Variants in MAPK4 observed in about 807,000 individuals in gnomAD.
The protein encoded by MAPK4 is Erk3-related.
MAPK4 carries 22 observed loss-of-function variants against 47.7 expected under a neutral mutation model. That is an observed-to-expected ratio of 0.46 (90% CI 0.33 to 0.66). The LOEUF (loss-of-function observed/expected upper bound fraction) is 0.66. Among genes scored for constraint, MAPK4 ranks in the 30% least tolerant of loss-of-function variants. The probability of loss-of-function intolerance (pLI) is 0.02; values close to 1 mark genes in which losing one functional copy is unlikely to be tolerated. For missense variants in MAPK4, 736 were observed against 831.7 expected (o/e 0.88, Z 1.42); for synonymous variants, 390 against 365.7 (o/e 1.07, Z -0.76).
At chr18:50,645,355 A>G (rs1237464638) in intron 1 of MAPK4, among the ~76,000 whole-genome samples, 3 of 152,222 alleles carry the variant, frequency 2.0e-5, no homozygotes, top group Non-Finnish European at 2.9e-5. Context: ...GTGAACGCCA[A>G]CGTGCTGTCC....
chr18:50,714,263 A>C (rs1050297649), intron 2 of MAPK4, among the ~76,000 whole-genome samples: 1 of 152,194 alleles, frequency 6.6e-6, no homozygotes, highest in African/African-American at 2.4e-5. Flanking sequence ...CATTTCCCAG[A>C]TGTCACTCTT....
chr18:50,703,062 C>T (rs1184066258), intron 2 of MAPK4, among the ~76,000 whole-genome samples: 1 of 152,174 alleles, frequency 6.6e-6, no homozygotes, highest in East Asian at 1.9e-4. Context: ...AAGACCTTTC[C>T]CAAAGTCAGG....
At chr18:50,710,897 G>A (rs1598941490) in intron 2 of MAPK4, among the ~76,000 whole-genome samples, 1 of 152,328 alleles carries the variant, frequency 6.6e-6, no homozygotes. Flanking sequence ...TTATTGGATT[G>A]AGCCTTCTCC....
intron 2 of MAPK4, chr18:50,705,950 T>A (rs1214791298): frequency 1.3e-5 from 2 of 152,206 alleles, no homozygotes; most frequent in African/African-American, 4.8e-5. Flanking sequence ...GGGACTTTGT[T>A]TTGCTCACTG....
chr18:50,630,345 C>A (rs973891372), intron 1 of MAPK4, among the ~76,000 whole-genome samples: 1 of 152,186 alleles, frequency 6.6e-6, no homozygotes. Context: ...TGCACCACCA[C>A]GCCCAGCAAA....
chr18:50,606,659 G>T (rs2042585790), intron 1 of MAPK4, among the ~76,000 whole-genome samples: 1 of 152,116 alleles, frequency 6.6e-6, no homozygotes. Flanking sequence ...TTTCTTAAAG[G>T]ACTAGGTAGA....
At chr18:50,567,917 C>T (rs1170151300) in intron 1 of MAPK4, among the ~76,000 whole-genome samples, 1 of 152,004 alleles carries the variant, frequency 6.6e-6, no homozygotes. Context: ...AGAATTCCGG[C>T]TGGGCGCAGT....
intron 1 of MAPK4, among the ~76,000 whole-genome samples, chr18:50,578,003 ACT>A (rs1472106440): frequency 6.6e-6 from 1 of 152,104 alleles, no homozygotes; most frequent in East Asian, 1.9e-4. Context: ...CCTTAGGTGA[ACT>A]CTGTGTAGTT....
chr18:50,579,421 CA>C (rs1281361443), intron 1 of MAPK4, among the ~76,000 whole-genome samples: 1 of 152,142 alleles, frequency 6.6e-6, no homozygotes, highest in African/African-American at 2.4e-5. Flanking sequence ...AAATGAATGT[CA>C]AGGGCAACTT....
intron 1 of MAPK4, among the ~76,000 whole-genome samples, chr18:50,639,103 G>T (rs2042915691): frequency 6.6e-6 from 1 of 152,176 alleles, no homozygotes; most frequent in Admixed American, 6.5e-5. Flanking sequence ...GGTACCCCAG[G>T]CTCAAAATGG....
At chr18:50,656,242 T>A (rs565622668) in intron 1 of MAPK4, among the ~76,000 whole-genome samples, 1 of 152,170 alleles carries the variant, frequency 6.6e-6, no homozygotes, top group East Asian at 1.9e-4. Context: ...CTCCTGAGAG[T>A]CAAGAATCTG....
intron 1 of MAPK4, among the ~76,000 whole-genome samples, chr18:50,620,256 C>T (rs762977551): frequency 5.3e-5 from 8 of 152,266 alleles, no homozygotes; most frequent in South Asian, 4.2e-4. Context: ...CAAAATGGGA[C>T]GCAAGAGGAC....
Position 50,724,223 on chromosome 18 carries a change from G to A in MAPK4, c.854-1739G>A, listed in dbSNP as rs73431463. ...GAGACAACCCACTACTGGCCCACCTGGCCAACTACTACTCGTCTTGCTAGA... is the reference window on the plus strand; with the variant it reads ...GAGACAACCCACTACTGGCCCACCTAGCCAACTACTACTCGTCTTGCTAGA... On this transcript the variant is annotated intron_variant, in intron 4 of 5. Transcript: ENST00000400384. 3.2e-3 allele frequency among the ~76,000 whole-genome samples: 480 copies of A among 152,096 alleles called. 5 individuals carry two copies. Among genetic ancestry groups the A allele is most frequent in the African/African-American group, 0.011 (470 of 41,478 alleles).
At chr18:50,712,921 G>A (rs1910454830) in intron 2 of MAPK4, among the ~76,000 whole-genome samples, 1 of 152,164 alleles carries the variant, frequency 6.6e-6, no homozygotes, top group South Asian at 2.1e-4. Flanking sequence ...TCTACAGACA[G>A]TATTTGGCTT....
At chr18:50,629,823 T>G (rs1221680274) in intron 1 of MAPK4, 1 of 152,138 alleles carries the variant, frequency 6.6e-6, no homozygotes, top group Non-Finnish European at 1.5e-5. Flanking sequence ...AGGCCCAGGC[T>G]CTGTTCCAAG....
At chr18:50,620,178 T>C (rs759153213) in intron 1 of MAPK4, among the ~76,000 whole-genome samples, 10 of 152,188 alleles carry the variant, frequency 6.6e-5, no homozygotes, top group Non-Finnish European at 1.0e-4. Flanking sequence ...ATGTGACTGA[T>C]CCTTTCTCCC....
In MAPK4 at chr18:50,715,078, G is replaced by C; in HGVS notation, c.547-1G>C. On this transcript the variant is annotated splice_acceptor_variant, in intron 2 of 5. Coordinates refer to ENST00000400384, the MANE Select transcript of MAPK4 (RefSeq NM_002747.4). LOFTEE classifies it high-confidence loss of function. ...GTGGAACCAGAAATTTTGTCTTTCA[G>C]GGTTATCTGTCAGAAGGGTTGGTAA... The C allele has an allele frequency of 6.2e-7, 1 of 1,613,370 alleles. No individual in the cohort carries two copies. Among genetic ancestry groups the C allele is most frequent in the Non-Finnish European group, 8.5e-7 (1 of 1,179,844 alleles).
chr18:50,598,819 C>T (rs1276640876), intron 1 of MAPK4, among the ~76,000 whole-genome samples: 2 of 151,888 alleles, frequency 1.3e-5, no homozygotes, highest in African/African-American at 4.8e-5. Context: ...GTCAGATGTC[C>T]CTGAAGCTAG....
intron 1 of MAPK4, among the ~76,000 whole-genome samples, chr18:50,656,705 G>A (rs929797213): frequency 6.6e-6 from 1 of 152,086 alleles, no homozygotes; most frequent in South Asian, 2.1e-4. Flanking sequence ...TTCCTGCTAC[G>A]CTTATAGTAG....
Sources: gnomAD v4.1 joint callset for allele counts (sites outside exome capture counted in the v4.1 genomes callset) on GRCh38, gnomAD v4.1.1 for gene constraint, MANE v1.5 for transcripts, NCBI Gene and HGNC (gene_info 2026-07-23, HGNC 2026-07-21) for gene names.